ZNG1E: variants seen among roughly 807,000 people sequenced by gnomAD.
ZNG1E encodes Zn regulated GTPase metalloprotein activator 1E.
At chr9:65,681,236 A>G in the ZNG1E span, among the ~76,000 whole-genome samples, 10 of 152,242 alleles carry the variant, frequency 6.6e-5, no homozygotes, top group South Asian at 2.1e-3. Context: ...AATCCAGTAT[A>G]TAAAACATAC....
At chr9:65,657,914 A>G in the ZNG1E span, among the ~76,000 whole-genome samples, 1 of 152,270 alleles carries the variant, frequency 6.6e-6, no homozygotes, top group African/African-American at 2.4e-5. Context: ...CAGCCTGACT[A>G]ACATGGAGAA....
chr9:65,660,064 A>C, the ZNG1E span, among the ~76,000 whole-genome samples: 1 of 137,226 alleles, frequency 7.3e-6, no homozygotes, highest in Non-Finnish European at 1.5e-5. Flanking sequence ...GTGAAAGAGG[A>C]AAACATAGGA....
the ZNG1E span, among the ~76,000 whole-genome samples, chr9:65,717,462 C>T: frequency 2.0e-5 from 3 of 148,706 alleles, no homozygotes; most frequent in Admixed American, 6.7e-5. Context: ...ACTTTCCTCT[C>T]GATGATCCTT....
At chr9:65,714,567 G>T in the ZNG1E span, among the ~76,000 whole-genome samples, 1 of 151,944 alleles carries the variant, frequency 6.6e-6, no homozygotes, top group East Asian at 1.9e-4. Flanking sequence ...TTTTTGGTGT[G>T]GATGTCCTTT....
At chr9:65,677,622 C>A in the ZNG1E span, among the ~76,000 whole-genome samples, 2 of 151,672 alleles carry the variant, frequency 1.3e-5, no homozygotes, top group African/African-American at 2.4e-5. Flanking sequence ...TTAATTTATT[C>A]GTTGCATGTT....
the ZNG1E span, among the ~76,000 whole-genome samples, chr9:65,683,705 C>T: frequency 0.047 from 6,678 of 142,950 alleles, 3 homozygotes; most frequent in Admixed American, 0.058. Context: ...TTGAAGTATC[C>T]TGAGAGTTCA....
the ZNG1E span, among the ~76,000 whole-genome samples, chr9:65,661,142 T>C: frequency 6.9e-6 from 1 of 144,790 alleles, no homozygotes; most frequent in Non-Finnish European, 1.5e-5. Flanking sequence ...CATTGCCTTA[T>C]TATATAAAAC....
At chr9:65,716,792 GAC>G in the ZNG1E span, among the ~76,000 whole-genome samples, 11 of 146,624 alleles carry the variant, frequency 7.5e-5, no homozygotes, top group Non-Finnish European at 1.4e-4. Context: ...ACTTGTCAGT[GAC>G]ACAGTTATTC....
At chr9:65,721,428 T>A in the ZNG1E span, among the ~76,000 whole-genome samples, 4 of 147,010 alleles carry the variant, frequency 2.7e-5, no homozygotes, top group South Asian at 8.5e-4. Flanking sequence ...GACTTGGGTA[T>A]GTGTATATTA....
At chr9:65,717,562 G>C in the ZNG1E span, among the ~76,000 whole-genome samples, 2 of 149,716 alleles carry the variant, frequency 1.3e-5, no homozygotes. Flanking sequence ...CTCCGTGTCT[G>C]GATTAGAACT....
At chr9:65,686,606 G>A in the ZNG1E span, among the ~76,000 whole-genome samples, 8,470 of 146,488 alleles carry the variant, frequency 0.058, 4 homozygotes, top group Admixed American at 0.071. Context: ...TTGCACTCCA[G>A]CCTGGGTGAC....
At chr9:65,666,782 T>C in the ZNG1E span, among the ~76,000 whole-genome samples, 1 of 151,582 alleles carries the variant, frequency 6.6e-6, no homozygotes, top group Non-Finnish European at 1.5e-5. Flanking sequence ...TAAAAGCATA[T>C]AGATTAATAA....
the ZNG1E span, among the ~76,000 whole-genome samples, chr9:65,668,418 T>C: frequency 6.7e-6 from 1 of 148,946 alleles, no homozygotes. Context: ...TTTATCCTAA[T>C]ACTTTTCTAC....
chr9:65,675,119 C>T, the ZNG1E span, among the ~76,000 whole-genome samples: 1 of 151,952 alleles, frequency 6.6e-6, no homozygotes, highest in Non-Finnish European at 1.5e-5. Flanking sequence ...CAATCCAGAA[C>T]CAATTCATGA....
At chr9:65,662,280 A>C in the ZNG1E span, among the ~76,000 whole-genome samples, 4 of 152,328 alleles carry the variant, frequency 2.6e-5, no homozygotes, top group Admixed American at 2.0e-4. Flanking sequence ...TGGAAGACAA[A>C]GACTGAGCAA....
At chr9:65,722,690 C>T in the ZNG1E span, among the ~76,000 whole-genome samples, 2 of 23,132 alleles carry the variant, frequency 8.6e-5, no homozygotes, top group African/African-American at 1.4e-4. Context: ...ACCACCATGC[C>T]TAGCTAATTT....
the ZNG1E span, chr9:65,700,126 T>G: frequency 2.0e-6 from 1 of 492,782 alleles, no homozygotes; most frequent in Non-Finnish European, 3.6e-6. Context: ...TTAACTGATA[T>G]ATTGATCTAC....
At chr9:65,655,941 T>C in the ZNG1E span, among the ~76,000 whole-genome samples, 2 of 146,576 alleles carry the variant, frequency 1.4e-5, no homozygotes, top group South Asian at 4.4e-4. Context: ...GCTAGGAAGA[T>C]AGGAAGAGTT....
chr9:65,668,190 GC>G, the ZNG1E span, among the ~76,000 whole-genome samples: 1 of 152,004 alleles, frequency 6.6e-6, no homozygotes, highest in Admixed American at 6.6e-5. Context: ...GCACATGTAT[GC>G]AAATACATAT....
Sources: allele counts gnomAD v4.1 joint callset (sites outside exome capture counted in the v4.1 genomes callset), GRCh38; gene constraint gnomAD v4.1.1; transcripts MANE v1.5; gene names NCBI Gene and HGNC (gene_info 2026-07-23, HGNC 2026-07-21).